Variants in BTBD9 observed in about 807,000 individuals in gnomAD.
BTBD9 encodes the protein BTB/POZ domain-containing protein 9.
BTBD9 carries 49 observed loss-of-function variants against 64.3 expected under a neutral mutation model. That is an observed-to-expected ratio of 0.76 (90% CI 0.61 to 0.97). The LOEUF (loss-of-function observed/expected upper bound fraction) is 0.97, where lower values mean the gene tolerates loss of function less well. Ranked by LOEUF, BTBD9 falls within the 50% of genes least tolerant of loss-of-function variation. BTBD9 has a pLI of 0.00. For missense variants in BTBD9, 598 were observed against 762.1 expected (o/e 0.78, Z 2.53); for synonymous variants, 260 against 274.7 (o/e 0.95, Z 0.53).
At chr6:38,557,819 T>C (rs538576112) in intron 6 of BTBD9, among the ~76,000 whole-genome samples, 1 of 152,372 alleles carries the variant, frequency 6.6e-6, no homozygotes, top group South Asian at 2.1e-4. Context: ...GAGTAGCTTC[T>C]TTCTCAGTGA....
At chr6:38,383,616 T>C (rs914758685) in intron 6 of BTBD9, among the ~76,000 whole-genome samples, 7 of 152,086 alleles carry the variant, frequency 4.6e-5, no homozygotes, top group African/African-American at 1.7e-4. Context: ...ATGTAGCAGA[T>C]ATGGAGAAAG....
At chr6:38,307,468 C>T (rs948582557) in intron 7 of BTBD9, among the ~76,000 whole-genome samples, 1 of 152,184 alleles carries the variant, frequency 6.6e-6, no homozygotes, top group East Asian at 1.9e-4. Flanking sequence ...AAGTTTCCCC[C>T]ACCTGCTTCT....
intron 7 of BTBD9, among the ~76,000 whole-genome samples, chr6:38,325,252 G>C (rs1763377420): frequency 6.6e-6 from 1 of 152,100 alleles, no homozygotes; most frequent in South Asian, 2.1e-4. Flanking sequence ...ACATACTAGA[G>C]ATGGTATCAT....
intron 6 of BTBD9, among the ~76,000 whole-genome samples, chr6:38,494,236 T>C (rs1327089081): frequency 6.6e-6 from 1 of 152,216 alleles, no homozygotes; most frequent in Non-Finnish European, 1.5e-5. Context: ...AGCTCCTTTT[T>C]CTTTTCTCTT....
chr6:38,229,899 C>T (rs967509208), intron 9 of BTBD9, among the ~76,000 whole-genome samples: 17 of 152,114 alleles, frequency 1.1e-4, no homozygotes, highest in African/African-American at 4.1e-4. Flanking sequence ...TCCAGAAACC[C>T]GAGAAGCATG....
chr6:38,256,802 CT>C (rs1383083313), intron 8 of BTBD9, among the ~76,000 whole-genome samples: 2 of 152,202 alleles, frequency 1.3e-5, no homozygotes, highest in African/African-American at 2.4e-5. Context: ...CCCAGATCAC[CT>C]TTCCAGCTTC....
chr6:38,581,321 G>A (rs1282431237), intron 4 of BTBD9, among the ~76,000 whole-genome samples: 3 of 152,072 alleles, frequency 2.0e-5, no homozygotes, highest in Admixed American at 2.0e-4. Flanking sequence ...AAAAAGAAAG[G>A]TTCCAATATA....
intron 6 of BTBD9, among the ~76,000 whole-genome samples, chr6:38,559,192 G>C (rs1201125016): frequency 1.3e-5 from 2 of 152,024 alleles, no homozygotes; most frequent in African/African-American, 2.4e-5. Flanking sequence ...CGATTTTCTA[G>C]TTTGTGTGCA....
At chr6:38,631,525 G>T (rs1778361941) in intron 1 of BTBD9, among the ~76,000 whole-genome samples, 1 of 152,172 alleles carries the variant, frequency 6.6e-6, no homozygotes, top group Non-Finnish European at 1.5e-5. Flanking sequence ...TTTCCTCCTT[G>T]CTCTCTCTTG....
intron 7 of BTBD9, among the ~76,000 whole-genome samples, chr6:38,331,084 C>T (rs997295909): frequency 1.3e-5 from 2 of 152,110 alleles, no homozygotes; most frequent in African/African-American, 4.8e-5. Flanking sequence ...AAAAAGGCAA[C>T]ATACACAAAG....
chr6:38,255,865 A>G (rs1270886619), intron 9 of BTBD9, among the ~76,000 whole-genome samples: 1 of 152,134 alleles, frequency 6.6e-6, no homozygotes, highest in Admixed American at 6.6e-5. Context: ...GAATTGAACA[A>G]TGAGAACACT....
chr6:38,281,430 T>C (rs780633110), intron 8 of BTBD9, among the ~76,000 whole-genome samples: 20 of 152,182 alleles, frequency 1.3e-4, no homozygotes, highest in Non-Finnish European at 2.4e-4. Context: ...CATATGTAAT[T>C]CTTTTATTAT....
At chr6:38,334,492 G>A (rs1019301928) in intron 7 of BTBD9, among the ~76,000 whole-genome samples, 18 of 152,050 alleles carry the variant, frequency 1.2e-4, no homozygotes, top group Non-Finnish European at 1.8e-4. Context: ...CCCAGGAGGC[G>A]GAGGTTGTAG....
At chr6:38,235,712 C>T (rs1311578925) in intron 9 of BTBD9, among the ~76,000 whole-genome samples, 1 of 152,184 alleles carries the variant, frequency 6.6e-6, no homozygotes, top group East Asian at 1.9e-4. Flanking sequence ...ACAGAGATAT[C>T]TGTAACTGAC....
At chr6:38,532,694 C>T (rs1193774474) in intron 6 of BTBD9, among the ~76,000 whole-genome samples, 1 of 152,034 alleles carries the variant, frequency 6.6e-6, no homozygotes, top group Non-Finnish European at 1.5e-5. Context: ...GGAAGGCAAC[C>T]TGCTGCCTTG....
rs192146088 is a variant in BTBD9, at chr6:38,289,964, C to G, written c.1265-1503G>C. On this transcript the variant is annotated intron_variant, in intron 7 of 10. Coordinates refer to ENST00000481247, the MANE Select transcript of BTBD9 (RefSeq NM_001099272.2). ...ATTTAAGTTATTTAACCAAAACCTA[C>G]TTACATTCAAGGTTTGTAGCTTACA... Among the ~76,000 whole-genome samples, 31 of 152,180 alleles carry G rather than the reference C, an allele frequency of 2.0e-4. No homozygotes were observed. In the East Asian group the frequency reaches 4.6e-3, roughly 23 times the overall value.
At chr6:38,492,386 T>C (rs1220957226) in intron 6 of BTBD9, among the ~76,000 whole-genome samples, 3 of 152,202 alleles carry the variant, frequency 2.0e-5, no homozygotes, top group Non-Finnish European at 2.9e-5. Flanking sequence ...TCCTTCAATA[T>C]AAAATGGAGA....
intron 9 of BTBD9, among the ~76,000 whole-genome samples, chr6:38,248,867 T>C (rs1764296397): frequency 6.6e-6 from 1 of 152,162 alleles, no homozygotes; most frequent in African/African-American, 2.4e-5. Context: ...GCACATGAAA[T>C]ATTACTCATT....
intron 9 of BTBD9, among the ~76,000 whole-genome samples, chr6:38,205,266 C>T (rs974516142): frequency 6.6e-6 from 1 of 152,046 alleles, no homozygotes; most frequent in African/African-American, 2.4e-5. Flanking sequence ...AGAAAAGATC[C>T]GCACCAAAGT....
Sources: allele counts gnomAD v4.1 joint callset (sites outside exome capture counted in the v4.1 genomes callset), GRCh38; gene constraint gnomAD v4.1.1; transcripts MANE v1.5; gene names NCBI Gene and HGNC (gene_info 2026-07-23, HGNC 2026-07-21).